MGAT4C: variants seen among roughly 807,000 people sequenced by gnomAD.
MGAT4C encodes the protein alpha-1,3-mannosyl-glycoprotein 4-beta-N-acetylglucosaminyltransferase C.
A neutral mutation model predicts 40.1 loss-of-function variants in MGAT4C; 19 were observed. That is an observed-to-expected ratio of 0.47 (90% confidence interval 0.33 to 0.70). The LOEUF is 0.70. Ranked by LOEUF, MGAT4C falls within the 30% of genes least tolerant of loss-of-function variation. The pLI, the probability that MGAT4C is intolerant of heterozygous loss-of-function variation, is 0.02. For synonymous variants in MGAT4C, 181 were observed against 187.1 expected, an observed-to-expected ratio of 0.97 and a Z score of 0.27; for missense variants, 491 against 563.2, an observed-to-expected ratio of 0.87 and a Z score of 1.30.
chr12:86,302,244 C>T (rs549938372), intron 4 of MGAT4C, among the ~76,000 whole-genome samples: 1 of 150,882 alleles, frequency 6.6e-6, no homozygotes, highest in Non-Finnish European at 1.5e-5. Flanking sequence ...AGCCTTGAAA[C>T]ATCTAATTAA....
chr12:86,555,117 A>T (rs1959545330), intron 2 of MGAT4C, among the ~76,000 whole-genome samples: 2 of 151,666 alleles, frequency 1.3e-5, no homozygotes, highest in South Asian at 4.2e-4. Flanking sequence ...TTGGGCCTAT[A>T]TGGATAATAC....
intron 2 of MGAT4C, among the ~76,000 whole-genome samples, chr12:86,564,401 C>T (rs1009428406): frequency 2.6e-5 from 4 of 152,060 alleles, no homozygotes; most frequent in Non-Finnish European, 1.5e-5. Flanking sequence ...TATATCAACT[C>T]TCTGGCTTTG....
intron 3 of MGAT4C, among the ~76,000 whole-genome samples, chr12:86,359,804 C>T (rs1380710686): frequency 6.6e-6 from 1 of 152,184 alleles, no homozygotes; most frequent in East Asian, 1.9e-4. Context: ...TCTGAATAGA[C>T]CAATAACAGG....
At chr12:86,704,398 C>A (rs1399370845) in intron 2 of MGAT4C, among the ~76,000 whole-genome samples, 1 of 151,642 alleles carries the variant, frequency 6.6e-6, no homozygotes, top group East Asian at 1.9e-4. Flanking sequence ...GGAAAGAGGT[C>A]TTTTTACGAT....
chr12:86,789,158 C>T (rs12367222), intron 1 of MGAT4C, among the ~76,000 whole-genome samples: 5,214 of 152,170 alleles, frequency 0.034, 140 homozygotes, highest in Non-Finnish European at 0.048. Flanking sequence ...TAGGTATTCA[C>T]GACACTTCTT....
intron 2 of MGAT4C, among the ~76,000 whole-genome samples, chr12:86,607,698 T>C (rs950996584): frequency 6.6e-6 from 1 of 152,172 alleles, no homozygotes; most frequent in African/African-American, 2.4e-5. Flanking sequence ...GGATTAGCCT[T>C]TAAAAATCCA....
chr12:86,271,435 A>G (rs1952944952), intron 4 of MGAT4C, among the ~76,000 whole-genome samples: 1 of 152,216 alleles, frequency 6.6e-6, no homozygotes. Flanking sequence ...CAATATCACT[A>G]ATCATTACTG....
intron 3 of MGAT4C, among the ~76,000 whole-genome samples, chr12:86,344,911 A>G (rs890165345): frequency 6.6e-6 from 1 of 152,044 alleles, no homozygotes. Context: ...AGTTTGTGAC[A>G]ATTTGAACAA....
intron 2 of MGAT4C, among the ~76,000 whole-genome samples, chr12:86,461,233 CTTCTTTTTTTTT>C (rs1957594541): frequency 6.8e-6 from 1 of 146,314 alleles, no homozygotes; most frequent in African/African-American, 2.5e-5. Flanking sequence ...ATTTACACAT[CTTCTTTTTTTTT>C]TTTTTTTTTT....
chr12:86,103,505 A>G (rs1448645126), intron 1 of MGAT4C, among the ~76,000 whole-genome samples: 1 of 152,174 alleles, frequency 6.6e-6, no homozygotes, highest in African/African-American at 2.4e-5. Flanking sequence ...AGAACAGATT[A>G]TTCTTCAGAG....
chr12:86,781,319 C>T (rs1951836249), intron 1 of MGAT4C, among the ~76,000 whole-genome samples: 1 of 148,312 alleles, frequency 6.7e-6, no homozygotes, highest in Non-Finnish European at 1.5e-5. Flanking sequence ...TCATCAACAA[C>T]TTTTTTTTTT....
chr12:86,095,712 T>C (rs1374330184), intron 1 of MGAT4C, among the ~76,000 whole-genome samples: 1 of 151,632 alleles, frequency 6.6e-6, no homozygotes, highest in Non-Finnish European at 1.5e-5. Flanking sequence ...TCCCTCTCCA[T>C]ATCATCTAAT....
chr12:86,388,848 A>T (rs1956112948), intron 3 of MGAT4C, among the ~76,000 whole-genome samples: 1 of 151,160 alleles, frequency 6.6e-6, no homozygotes, highest in African/African-American at 2.4e-5. Flanking sequence ...TGCCTGGCTA[A>T]TTTTTTTGTA....
At chr12:85,992,904 C>T (rs1014278827) in intron 2 of MGAT4C, among the ~76,000 whole-genome samples, 1 of 152,150 alleles carries the variant, frequency 6.6e-6, no homozygotes, top group Non-Finnish European at 1.5e-5. Flanking sequence ...AAGAGACGGT[C>T]CCAGGGAAAT....
intron 2 of MGAT4C, among the ~76,000 whole-genome samples, chr12:86,441,915 GC>G (rs112268195): frequency 0.022 from 3,370 of 152,178 alleles, 65 homozygotes; most frequent in African/African-American, 0.044. Flanking sequence ...TTGAGGAATT[GC>G]CACACTGTCT....
At chr12:86,673,257 T>C (rs1964307188) in intron 2 of MGAT4C, among the ~76,000 whole-genome samples, 1 of 152,214 alleles carries the variant, frequency 6.6e-6, no homozygotes, top group South Asian at 2.1e-4. Context: ...CCTCAGTTTA[T>C]TCATCTTTAA....
intron 1 of MGAT4C, among the ~76,000 whole-genome samples, chr12:86,813,191 T>C (rs1398022838): frequency 6.6e-6 from 1 of 152,012 alleles, no homozygotes; most frequent in Non-Finnish European, 1.5e-5. Flanking sequence ...TTCTATATCA[T>C]ATCCAGACTG....
In MGAT4C at chr12:86,631,655, A is replaced by G. The variant is rs1468265342; in HGVS notation, c.-229+95554T>C. Reference sequence around the variant, plus strand: ...ACCTGACAAAAACAAGAAATGGGGAAAGGATTCCCTATTTAATAAATGGTG... The same window carrying G: ...ACCTGACAAAAACAAGAAATGGGGAGAGGATTCCCTATTTAATAAATGGTG... On this transcript the variant is annotated intron_variant, in intron 2 of 7. Coordinates refer to the MGAT4C transcript ENST00000548651. 3.9e-5 allele frequency among the ~76,000 whole-genome samples: 6 copies of G among 152,208 alleles called. No homozygotes were observed. In the South Asian group the frequency reaches 8.3e-4, roughly 21 times the overall value.
intron 2 of MGAT4C, among the ~76,000 whole-genome samples, chr12:86,597,870 C>G (rs1961601589): frequency 6.6e-6 from 1 of 152,126 alleles, no homozygotes; most frequent in African/African-American, 2.4e-5. Context: ...CCTGTGATAA[C>G]TAAACTCTTC....
Sources: gnomAD v4.1 joint callset for allele counts (sites outside exome capture counted in the v4.1 genomes callset) on GRCh38, gnomAD v4.1.1 for gene constraint, MANE v1.5 for transcripts, NCBI Gene and HGNC (gene_info 2026-07-23, HGNC 2026-07-21) for gene names.